Variants in ILF2 observed in about 807,000 individuals in gnomAD.
ILF2 encodes interleukin enhancer-binding factor 2.
Under a neutral mutation model 55.3 loss-of-function variants are expected in ILF2, and 9 were observed. The ratio of observed to expected loss-of-function variants is 0.16; its 90% confidence interval spans 0.10 to 0.28. The LOEUF (loss-of-function observed/expected upper bound fraction) is 0.28. Among genes scored for constraint, ILF2 ranks in the 10% least tolerant of loss-of-function variants. The pLI, the probability that ILF2 is intolerant of heterozygous loss-of-function variation, is 1.00. For synonymous variants in ILF2, 151 were observed against 161.8 expected, an observed-to-expected ratio of 0.93 and a Z score of 0.50; for missense variants, 266 against 474.9, an observed-to-expected ratio of 0.56 and a Z score of 4.09.
At chr1:153,669,782 G>T in intron 3 of ILF2, 54 bp downstream of exon 3, 2 of 1,375,144 alleles carry the variant, frequency 1.5e-6, no homozygotes, top group Non-Finnish European at 2.1e-6. Context: ...GGAGATACTG[G>T]GCTCCATTTC....
At chr1:153,667,197 G>C in intron 6 of ILF2, 1 of 370,652 alleles carries the variant, frequency 2.7e-6, no homozygotes, top group Admixed American at 4.2e-5. Flanking sequence ...ATCCGTAAGG[G>C]CTGGGCACAG....
Position 153,667,663 on chromosome 1 carries a change from G to A in ILF2, c.292-6C>T, listed in dbSNP as rs550997886. 1.3e-6 allele frequency: 2 copies of A among 1,580,908 alleles called. No homozygotes were observed. Among genetic ancestry groups the A allele is most frequent in the African/African-American group, 1.4e-5 (1 of 73,478 alleles). On this transcript the variant is annotated splice_region_variant and splice_polypyrimidine_tract_variant and intron_variant, in intron 5 of 13. Transcript: ENST00000361891. The stretch of plus-strand genomic sequence containing the variant: ...TGTCGAACTTCTTCAATTTGCTGTT[G>A]GAAAAAGGATTTCGGGGAAAAACAA...
At chr1:153,667,478 C>T (rs1669341380) in intron 6 of ILF2, 77 bp downstream of exon 6, 5 of 1,076,722 alleles carry the variant, frequency 4.6e-6, no homozygotes, top group Non-Finnish European at 7.2e-6. Flanking sequence ...GAATTTGTCT[C>T]AAAACAAAAA....
rs377363199 is a variant in ILF2 at position 153,670,901 on chromosome 1, C to G, written c.5+17G>C. 5.8e-5 allele frequency: 94 copies of G among 1,614,190 alleles called. 1 individual carries two copies. In the African/African-American group the frequency reaches 1.0e-3, roughly 17 times the overall value. On this transcript the variant is annotated intron_variant, in intron 1 of 13. Coordinates refer to ENST00000361891, the MANE Select transcript of ILF2 (RefSeq NM_004515.4). ...CGTCGAATACCTGAAACCTTTCGAC[C>G]GCTTCGACCCACTTACCTCATGGCG...
intron 3 of ILF2, among the ~76,000 whole-genome samples, chr1:153,669,438 G>T (rs1431777950): frequency 6.6e-6 from 1 of 151,828 alleles, no homozygotes; most frequent in African/African-American, 2.4e-5. Flanking sequence ...ACACACAGTT[G>T]ACTCAAAACC....
chr1:153,670,823 C>T (rs1003603317), intron 1 of ILF2, 95 bp downstream of exon 1: 1 of 1,436,888 alleles, frequency 7.0e-7, no homozygotes, highest in African/African-American at 1.4e-5. Context: ...CCCCCGGATA[C>T]ATGGCCCTTT....
At position 153,667,664 on chromosome 1, in the gene ILF2, GA is replaced by G; in HGVS notation, c.292-8del. ...GTCGAACTTCTTCAATTTGCTGTTG[GA>G]AAAAGGATTTCGGGGAAAAACAATT... On this transcript the variant is annotated splice_polypyrimidine_tract_variant and splice_region_variant and intron_variant, in intron 5 of 13. Coordinates refer to ENST00000361891, the MANE Select transcript of ILF2 (RefSeq NM_004515.4). 5 of 1,581,024 alleles carry G rather than the reference GA, an allele frequency of 3.2e-6. No homozygotes were observed. Among genetic ancestry groups the G allele is most frequent in the Non-Finnish European group, 4.3e-6 (5 of 1,158,784 alleles).
chr1:153,664,604 G>A, intron 8 of ILF2, 130 bp from the exon 9 acceptor site: 1 of 743,174 alleles, frequency 1.3e-6, no homozygotes, highest in Non-Finnish European at 2.3e-6. Flanking sequence ...TGTCCAGGCT[G>A]GATTGCGTAC....
chr1:153,664,587 GCT>G (rs1177387194), intron 8 of ILF2, 113 bp from the exon 9 acceptor site: 1 of 835,266 alleles, frequency 1.2e-6, no homozygotes. Flanking sequence ...ACGGAGTCTC[GCT>G]CTGTTGTCCA....
In ILF2 at chr1:153,669,905, T is replaced by C. The variant is rs371186349; in HGVS notation, c.66-27A>G. The C allele has an allele frequency of 3.4e-4, 543 of 1,587,694 alleles. 3 individuals are homozygous for C. In the African/African-American group the frequency reaches 6.7e-3, roughly 20 times the overall value. On this transcript the variant is annotated intron_variant, in intron 2 of 13. Transcript: ENST00000361891. ...TAAAACATGAAAAACAGCCAAATTA[T>C]TCCCTAGGTAGGAATCAAGCGAGAT...
Position 153,665,737 on chromosome 1 carries a change from C to G in ILF2, c.395-9G>C. 1 of 1,596,312 alleles carries G rather than the reference C, an allele frequency of 6.3e-7. No homozygotes were observed. Among genetic ancestry groups the G allele is most frequent in the Non-Finnish European group, 8.6e-7 (1 of 1,168,874 alleles). On this transcript the variant is annotated splice_polypyrimidine_tract_variant and intron_variant, in intron 6 of 13. Coordinates refer to ENST00000361891, the MANE Select transcript of ILF2 (RefSeq NM_004515.4). Reference sequence around the variant, plus strand: ...GGCAGCAACAGCTTCCACTAATTGACAGAAAATGACATAATGTTATAATAA... The same window carrying G: ...GGCAGCAACAGCTTCCACTAATTGAGAGAAAATGACATAATGTTATAATAA...
rs545906164 is a variant in ILF2 at position 153,665,109 on chromosome 1, T to C, written c.577+111A>G. ...TTCAGAATAAACCTAAGTTCTTCAATTCCCAGGAAGCTGCATGTGGAATAG... is the reference window on the plus strand; with the variant it reads ...TTCAGAATAAACCTAAGTTCTTCAACTCCCAGGAAGCTGCATGTGGAATAG... On this transcript the variant is annotated intron_variant, in intron 8 of 13. Transcript: ENST00000361891. 23 of 707,924 alleles carry C rather than the reference T, an allele frequency of 3.2e-5. No homozygotes were observed. The East Asian group carries it at 5.8e-4, about 18-fold the overall frequency. 43.9% of individuals were successfully genotyped at this position (707,924 alleles called of 1,614,324 possible). A position where few individuals can be genotyped will look rare whatever the true frequency, so the allele number is the denominator to read the frequency against.
In ILF2 at chr1:153,662,286, C is replaced by T. The variant is rs574976611; in HGVS notation, c.*110G>A. On this transcript the variant is annotated 3_prime_UTR_variant, in exon 14 of 14. Transcript: ENST00000361891. ...CACTTCTATGGAGTTTACTTTTCTT[C>T]CTGCTATCTTCCCTATCCCACGGAA... 6 of 1,369,862 alleles carry T rather than the reference C, an allele frequency of 4.4e-6. No homozygotes were observed. The East Asian group carries it at 6.9e-5, about 16-fold the overall frequency. The allele number at this position is 1,369,862 out of a possible 1,614,324, so 84.9% of individuals were successfully genotyped here.
At position 153,663,146 on chromosome 1, in the gene ILF2, G is replaced by A. The variant is rs558435782; in HGVS notation, c.807-13C>T. The A allele has an allele frequency of 6.8e-6, 11 of 1,613,806 alleles. No individual in the cohort carries two copies. The East Asian group carries it at 8.9e-5, about 13-fold the overall frequency. On this transcript the variant is annotated splice_polypyrimidine_tract_variant and intron_variant, in intron 11 of 13. Coordinates refer to ENST00000361891, the MANE Select transcript of ILF2 (RefSeq NM_004515.4). Reference sequence around the variant, plus strand: ...CTGCAAGCAGCGCCTAGAACACAGGGAGGTATGAGGTATTAAAGGAATGCA... The same window carrying A: ...CTGCAAGCAGCGCCTAGAACACAGGAAGGTATGAGGTATTAAAGGAATGCA...
chr1:153,667,061 G>C (rs143797232), intron 6 of ILF2, among the ~76,000 whole-genome samples: 1,728 of 152,358 alleles, frequency 0.011, 43 homozygotes, highest in African/African-American at 0.04. Flanking sequence ...GGTGGAGGTT[G>C]CAGTGAACCG....
intron 4 of ILF2, 114 bp downstream of exon 4, chr1:153,668,339 C>G: frequency 7.6e-7 from 1 of 1,316,224 alleles, no homozygotes; most frequent in East Asian, 2.5e-5. Flanking sequence ...CAATTAAACC[C>G]TTTGTGGATT....
At chr1:153,665,480 G>C in intron 7 of ILF2, 144 bp from the exon 8 acceptor site, 1 of 757,138 alleles carries the variant, frequency 1.3e-6, no homozygotes, top group Non-Finnish European at 2.3e-6. Flanking sequence ...CTTTAGAAGG[G>C]AGATCAAACA....
In ILF2 at chr1:153,669,897, C is replaced by G; in HGVS notation, c.66-19G>C. ...CCTGAACCTAAAACATGAAAAACAG[C>G]CAAATTATTCCCTAGGTAGGAATCA... On this transcript the variant is annotated intron_variant, in intron 2 of 13. Transcript: ENST00000361891. 1 of 1,597,530 alleles carries G rather than the reference C, an allele frequency of 6.3e-7. No homozygotes were observed. The highest frequency in any genetic ancestry group is 8.6e-7 in the Non-Finnish European group (1 of 1,164,640).
At position 153,663,983 on chromosome 1, in the gene ILF2, CTACTACTACTACT is replaced by C. The variant is rs1557951589; in HGVS notation, c.744+47_744+59del. On this transcript the variant is annotated intron_variant, in intron 10 of 13. Coordinates refer to ENST00000361891, the MANE Select transcript of ILF2 (RefSeq NM_004515.4). ...ACTACTACTACTACTACTACTACTA[CTACTACTACTACT>C]AGTAAATAAGGATGATGAGGAACTC... 219 of 852,896 alleles carry C rather than the reference CTACTACTACTACT, an allele frequency of 2.6e-4. 2 individuals carry two copies. Among genetic ancestry groups the C allele is most frequent in the Admixed American group, 1.8e-3 (84 of 47,610 alleles). 52.8% of individuals were successfully genotyped at this position (852,896 alleles called of 1,614,324 possible). A position where few individuals can be genotyped will look rare whatever the true frequency, so the allele number is the denominator to read the frequency against.
Sources: gnomAD v4.1 joint callset for allele counts (sites outside exome capture counted in the v4.1 genomes callset) on GRCh38, gnomAD v4.1.1 for gene constraint, MANE v1.5 for transcripts, NCBI Gene and HGNC (gene_info 2026-07-23, HGNC 2026-07-21) for gene names.